The following BABAM2 variants were observed in gnomAD, a reference collection of about 807,000 sequenced individuals.
BABAM2 encodes the protein BRISC and BRCA1-A complex member 2.
A neutral mutation model predicts 54.7 loss-of-function variants in BABAM2; 31 were observed. The observed-to-expected ratio is 0.57, with a 90% CI of 0.43 to 0.77. BABAM2 has a LOEUF of 0.77. Among genes scored for constraint, BABAM2 ranks in the 30% least tolerant of loss-of-function variants. The pLI is 0.00. For synonymous variants in BABAM2, 167 were observed against 162.9 expected, an observed-to-expected ratio of 1.03 and a Z score of -0.19; for missense variants, 364 against 455.8, an observed-to-expected ratio of 0.80 and a Z score of 1.83.
chr2:28,147,413 AAAGAAGAAAGGAC>A (rs745306055), intron 7 of BABAM2, among the ~76,000 whole-genome samples: 188 of 152,276 alleles, frequency 1.2e-3, no homozygotes, highest in Non-Finnish European at 2.4e-3. Flanking sequence ...TTTTTGTTTT[AAAGAAGAAAGGAC>A]AAGTAGCAAG....
intron 7 of BABAM2, among the ~76,000 whole-genome samples, chr2:28,164,320 C>G (rs887277759): frequency 1.3e-5 from 2 of 152,088 alleles, no homozygotes; most frequent in Admixed American, 6.5e-5. Context: ...TACACCCCCA[C>G]GTGGAGTTAG....
intron 2 of BABAM2, among the ~76,000 whole-genome samples, chr2:27,907,522 G>A (rs1038712278): frequency 6.7e-6 from 1 of 149,986 alleles, no homozygotes; most frequent in South Asian, 2.1e-4. Context: ...TTATAATGTG[G>A]TAAAATATAC....
intron 6 of BABAM2, among the ~76,000 whole-genome samples, chr2:28,051,704 A>G (rs1488237021): frequency 6.6e-6 from 1 of 151,710 alleles, no homozygotes; most frequent in African/African-American, 2.4e-5. Context: ...GCTGGAGTGT[A>G]GTGGCTCCAT....
intron 4 of BABAM2, among the ~76,000 whole-genome samples, chr2:28,008,892 C>A (rs1401740654): frequency 1.3e-5 from 2 of 152,124 alleles, no homozygotes; most frequent in African/African-American, 4.8e-5. Context: ...TTCTTCCCCC[C>A]TGGATATGGG....
chr2:28,265,283 T>G (rs1055121663), intron 10 of BABAM2, among the ~76,000 whole-genome samples: 1 of 152,000 alleles, frequency 6.6e-6, no homozygotes, highest in Non-Finnish European at 1.5e-5. Context: ...AAAAATTAGC[T>G]GGGCATGGTG....
At chr2:28,246,729 T>C (rs1472156636) in intron 10 of BABAM2, among the ~76,000 whole-genome samples, 1 of 152,212 alleles carries the variant, frequency 6.6e-6, no homozygotes, top group East Asian at 1.9e-4. Context: ...GGGAAAAATA[T>C]ATTTCATGGC....
intron 6 of BABAM2, among the ~76,000 whole-genome samples, chr2:28,098,618 A>G (rs1666817242): frequency 6.6e-6 from 1 of 152,218 alleles, no homozygotes; most frequent in Non-Finnish European, 1.5e-5. Flanking sequence ...TAGGAAATAA[A>G]GGAATCAGCT....
chr2:28,062,619 A>G (rs938512086), intron 6 of BABAM2, among the ~76,000 whole-genome samples: 5 of 152,194 alleles, frequency 3.3e-5, no homozygotes, highest in Non-Finnish European at 7.3e-5. Context: ...CCTGCTTCAT[A>G]AAACTTCTTC....
At chr2:27,973,058 G>A (rs1026376253) in intron 3 of BABAM2, among the ~76,000 whole-genome samples, 2 of 151,896 alleles carry the variant, frequency 1.3e-5, no homozygotes, top group Admixed American at 6.6e-5. Flanking sequence ...ATGAGCCACC[G>A]TGCCTGGTCG....
intron 10 of BABAM2, among the ~76,000 whole-genome samples, chr2:28,252,148 T>C (rs1360053922): frequency 6.7e-6 from 1 of 150,004 alleles, no homozygotes; most frequent in African/African-American, 2.5e-5. Flanking sequence ...AACGTGCCGT[T>C]GCACTCCACC....
chr2:27,973,022 C>T (rs1410845803), intron 3 of BABAM2, among the ~76,000 whole-genome samples: 1 of 151,862 alleles, frequency 6.6e-6, no homozygotes, highest in Non-Finnish European at 1.5e-5. Flanking sequence ...CCCGCCTCGG[C>T]CTCCCAAAGT....
At chr2:28,102,922 A>C (rs1180979552) in intron 6 of BABAM2, among the ~76,000 whole-genome samples, 1 of 152,210 alleles carries the variant, frequency 6.6e-6, no homozygotes, top group Non-Finnish European at 1.5e-5. Flanking sequence ...TAATGATTTT[A>C]TATAGGAATC....
intron 7 of BABAM2, among the ~76,000 whole-genome samples, chr2:28,190,499 C>A (rs1035653475): frequency 6.6e-6 from 1 of 152,104 alleles, no homozygotes; most frequent in African/African-American, 2.4e-5. Context: ...CCAGCCTGAC[C>A]AACATGGAGA....
chr2:27,896,613 A>G (rs888789239), intron 2 of BABAM2: 7 of 153,640 alleles, frequency 4.6e-5, no homozygotes, highest in Admixed American at 2.0e-4. Flanking sequence ...TTGAGCCAGC[A>G]TTCAGGCTAG....
chr2:28,015,013 A>G lies in BABAM2; in HGVS notation c.301-10213A>G, dbSNP rs554802640. Among the ~76,000 whole-genome samples the G allele has an allele frequency of 3.9e-5, 6 of 152,344 alleles. No individual in the cohort carries two copies. The South Asian group carries it at 1.2e-3, about 32-fold the overall frequency. On this transcript the variant is annotated intron_variant, in intron 4 of 11. Coordinates refer to ENST00000379624, the MANE Select transcript of BABAM2 (RefSeq NM_199191.3). ...CTAATGCTAAAAAATATTCATTATTATTGAAGTGGAAGTAAATCCCAGAGC... is the reference window on the plus strand; with the variant it reads ...CTAATGCTAAAAAATATTCATTATTGTTGAAGTGGAAGTAAATCCCAGAGC...
chr2:28,080,483 C>G (rs550095797), intron 6 of BABAM2, among the ~76,000 whole-genome samples: 19 of 152,172 alleles, frequency 1.2e-4, no homozygotes, highest in African/African-American at 4.3e-4. Context: ...TATAGACTAC[C>G]TGCCTCAAAA....
intron 3 of BABAM2, among the ~76,000 whole-genome samples, chr2:27,961,988 C>T (rs763400321): frequency 1.3e-5 from 2 of 152,010 alleles, no homozygotes; most frequent in Non-Finnish European, 2.9e-5. Context: ...CCTCAGCCTC[C>T]CAAAATAGTG....
At chr2:28,283,264 A>G (rs1286864189) in intron 10 of BABAM2, among the ~76,000 whole-genome samples, 1 of 152,198 alleles carries the variant, frequency 6.6e-6, no homozygotes, top group Non-Finnish European at 1.5e-5. Flanking sequence ...TCACCACTCT[A>G]TAGCGTAATC....
At chr2:28,043,003 G>C (rs375952766) in intron 5 of BABAM2, among the ~76,000 whole-genome samples, 1 of 151,784 alleles carries the variant, frequency 6.6e-6, no homozygotes, top group Non-Finnish European at 1.5e-5. Context: ...CAGCCTGGGG[G>C]ACAGAGTGAG....
Sources: gnomAD v4.1 joint callset for allele counts (sites outside exome capture counted in the v4.1 genomes callset) on GRCh38, gnomAD v4.1.1 for gene constraint, MANE v1.5 for transcripts, NCBI Gene and HGNC (gene_info 2026-07-23, HGNC 2026-07-21) for gene names.